ANGEL2: variants seen among roughly 807,000 people sequenced by gnomAD.
ANGEL2 encodes angel homolog 2.
Under a neutral mutation model 66.0 loss-of-function variants are expected in ANGEL2, and 41 were observed. That is an observed-to-expected ratio of 0.62 (90% CI 0.48 to 0.81). The LOEUF (loss-of-function observed/expected upper bound fraction) is 0.81. Among genes scored for constraint, ANGEL2 ranks in the 30% least tolerant of loss-of-function variants. The pLI is 0.00. For missense variants in ANGEL2, 561 were observed against 641.6 expected (o/e 0.87, Z 1.36); for synonymous variants, 208 against 226.5 (o/e 0.92, Z 0.73).
intron 3 of ANGEL2, among the ~76,000 whole-genome samples, chr1:213,007,940 T>C (rs2076384552): frequency 6.6e-6 from 1 of 151,930 alleles, no homozygotes; most frequent in African/African-American, 2.4e-5. Context: ...CTCAGCTCAC[T>C]GCAACATCGA....
chr1:213,004,619 C>T (rs2076267463), intron 5 of ANGEL2, among the ~76,000 whole-genome samples: 1 of 151,946 alleles, frequency 6.6e-6, no homozygotes, highest in South Asian at 2.1e-4. Flanking sequence ...CCTGTAATCC[C>T]AGCACTTTGG....
chr1:213,005,931 A>G (rs2076312983), intron 4 of ANGEL2, among the ~76,000 whole-genome samples: 1 of 152,032 alleles, frequency 6.6e-6, no homozygotes, highest in African/African-American at 2.4e-5. Context: ...TATTTGTTCA[A>G]ATGTCACCTC....
At chr1:212,997,091 T>G in intron 8 of ANGEL2, 64 bp downstream of exon 8, 1 of 1,447,830 alleles carries the variant, frequency 6.9e-7, no homozygotes, top group Non-Finnish European at 9.4e-7. Context: ...CTTTCTTAAC[T>G]TTAACCTTGA....
At chr1:212,999,423 A>G (rs1290028508) in intron 7 of ANGEL2, among the ~76,000 whole-genome samples, 1 of 152,240 alleles carries the variant, frequency 6.6e-6, no homozygotes. Flanking sequence ...AGTTTTTACT[A>G]TATTGAAAGG....
chr1:213,011,257 T>A (rs1333022261), intron 2 of ANGEL2: 3 of 1,288,848 alleles, frequency 2.3e-6, no homozygotes, highest in Non-Finnish European at 3.0e-6. Flanking sequence ...GACAGATGAA[T>A]CAAAGAAAGT....
intron 5 of ANGEL2, among the ~76,000 whole-genome samples, chr1:213,002,646 G>A (rs905506197): frequency 2.6e-5 from 4 of 152,118 alleles, no homozygotes; most frequent in Non-Finnish European, 4.4e-5. Context: ...GGCCAGGTGC[G>A]GTGGCTCATG....
chr1:213,005,465 CAAAT>C lies in ANGEL2; in HGVS notation c.713-15_713-12del, dbSNP rs753375074. The C allele has an allele frequency of 8.4e-6, 13 of 1,556,034 alleles. No individual in the cohort carries two copies. The highest frequency in any genetic ancestry group is 1.4e-5 in the African/African-American group (1 of 72,922). ...ATTCACAGTGATAACCTACAAGAAA[CAAAT>C]GAATTTAAAACAAATGACTGCTTTT... On this transcript the variant is annotated splice_polypyrimidine_tract_variant and intron_variant, in intron 4 of 8. Coordinates refer to ENST00000366962, the MANE Select transcript of ANGEL2 (RefSeq NM_144567.5).
chr1:213,008,335 T>C lies in ANGEL2; in HGVS notation c.517A>G (p.Asn173Asp). 6.2e-7 allele frequency: 1 copy of C among 1,614,184 alleles called. No individual in the cohort carries two copies. Among genetic ancestry groups the C allele is most frequent in the South Asian group, 1.1e-5 (1 of 91,084 alleles). Reference sequence around the variant, plus strand: ...TCCAGTAAATCTTGTGAAAGTATATTATAGGACATCACTGAAAAGTCAAAC... The same window carrying C: ...TCCAGTAAATCTTGTGAAAGTATATCATAGGACATCACTGAAAAGTCAAAC... Reference protein sequence around the residue: ...NKFDFSVMSYNILSQDLLEDN... With the variant: ...NKFDFSVMSYDILSQDLLEDN... Residue 173 changes from asparagine (N) to aspartate (D), a missense_variant, in exon 3 of 9, where the codon AAT becomes GAT. Asn to Asp is a conservative substitution (Grantham distance 23, BLOSUM62 1). Transcript: ENST00000366962.
rs969171888 is a variant in ANGEL2, at chr1:212,993,388, T to A, written c.*1653A>T. The A allele has an allele frequency of 6.6e-6, 1 of 152,190 alleles. No homozygotes were observed. The highest frequency in any genetic ancestry group is 1.5e-5 in the Non-Finnish European group (1 of 68,030). The allele number at this position is 152,190 out of a possible 1,614,324, so 9.4% of individuals were successfully genotyped here. Reference sequence around the variant, plus strand: ...TCAATTACAATTTTTACTAGACAAATCTTATAATCCACATGCCTTCTCTGA... The same window carrying A: ...TCAATTACAATTTTTACTAGACAAAACTTATAATCCACATGCCTTCTCTGA... On this transcript the variant is annotated 3_prime_UTR_variant, in exon 9 of 9. Coordinates refer to ENST00000366962, the MANE Select transcript of ANGEL2 (RefSeq NM_144567.5).
chr1:213,008,530 T>C, intron 2 of ANGEL2, 64 bp from the exon 3 acceptor site: 6 of 1,528,470 alleles, frequency 3.9e-6, no homozygotes, highest in Non-Finnish European at 5.3e-6. Context: ...GTTTCCCACA[T>C]ATATGTATTT....
At chr1:212,995,924 T>C (rs1461983272) in intron 8 of ANGEL2, among the ~76,000 whole-genome samples, 2 of 152,216 alleles carry the variant, frequency 1.3e-5, no homozygotes, top group African/African-American at 4.8e-5. Flanking sequence ...GCTGCTCACA[T>C]TCCAAAGTTT....
At chr1:213,001,476 T>C (rs2076176275) in intron 5 of ANGEL2, 1 of 152,636 alleles carries the variant, frequency 6.6e-6, no homozygotes, top group African/African-American at 2.4e-5. Flanking sequence ...TCATCATCTT[T>C]TTACAGGTGG....
At chr1:213,003,920 C>T (rs1159037342) in intron 5 of ANGEL2, among the ~76,000 whole-genome samples, 1 of 152,182 alleles carries the variant, frequency 6.6e-6, no homozygotes, top group Non-Finnish European at 1.5e-5. Context: ...AACTTATTGG[C>T]TGGGCATGGT....
At chr1:213,005,973 T>G (rs1456785462) in intron 4 of ANGEL2, among the ~76,000 whole-genome samples, 3 of 152,200 alleles carry the variant, frequency 2.0e-5, no homozygotes, top group Admixed American at 1.3e-4. Context: ...CTGAAACCTC[T>G]CCTATTCCAC....
At chr1:212,996,945 T>C (rs751511837) in intron 8 of ANGEL2, among the ~76,000 whole-genome samples, 2 of 152,116 alleles carry the variant, frequency 1.3e-5, no homozygotes, top group African/African-American at 4.8e-5. Context: ...TCTTGGGTAA[T>C]AATTTGCTTG....
intron 2 of ANGEL2, among the ~76,000 whole-genome samples, chr1:213,009,837 G>A (rs1350832552): frequency 6.6e-6 from 1 of 151,676 alleles, no homozygotes; most frequent in Non-Finnish European, 1.5e-5. Context: ...GATCACCTGA[G>A]GTCAGGAGTT....
chr1:212,997,792 C>A lies in ANGEL2; in HGVS notation c.1320-474G>T, dbSNP rs575428652. ...CTTCTCTAATGGTTTATTATATTTGCCCCATGCACAAATATATGTGATGTT... is the reference window on the plus strand; with the variant it reads ...CTTCTCTAATGGTTTATTATATTTGACCCATGCACAAATATATGTGATGTT... On this transcript the variant is annotated intron_variant, in intron 7 of 8. Coordinates refer to ENST00000366962, the MANE Select transcript of ANGEL2 (RefSeq NM_144567.5). 1.1e-4 allele frequency among the ~76,000 whole-genome samples: 16 copies of A among 152,112 alleles called. No homozygotes were observed. The South Asian group carries it at 3.3e-3, about 32-fold the overall frequency.
At position 212,992,372 on chromosome 1, in the gene ANGEL2, G is replaced by A. The variant is rs2075881261; in HGVS notation, c.*2669C>T. 1 of 152,108 alleles carries A rather than the reference G, an allele frequency of 6.6e-6. No homozygotes were observed. The highest frequency in any genetic ancestry group is 2.4e-5 in the African/African-American group (1 of 41,420). 9.4% of individuals were successfully genotyped at this position (152,108 alleles called of 1,614,324 possible). A position where few individuals can be genotyped will look rare whatever the true frequency, so the allele number is the denominator to read the frequency against. ...CATGAATATTATCTTGATAGCAAAA[G>A]GTACAGTAAAACCAAAATTTCATTA... On this transcript the variant is annotated 3_prime_UTR_variant, in exon 9 of 9. Coordinates refer to ENST00000366962, the MANE Select transcript of ANGEL2 (RefSeq NM_144567.5).
Position 213,015,621 on chromosome 1 carries a change from T to A in ANGEL2, c.51A>T (p.Gly17=), listed in dbSNP as rs200138164. 1 of 1,612,256 alleles carries A rather than the reference T, an allele frequency of 6.2e-7. No individual in the cohort carries two copies. Among genetic ancestry groups the A allele is most frequent in the East Asian group, 2.2e-5 (1 of 44,710 alleles). Reference sequence around the variant, plus strand: ...TACCCAGCCCTACTGACCGGCCTCTTCCCACCACACAGTGGCCGTAGCCCT... The same window carrying A: ...TACCCAGCCCTACTGACCGGCCTCTACCCACCACACAGTGGCCGTAGCCCT... ...VRKGYGHCVV[G]RGRYPMFPHH... is the part of the protein sequence containing the mutation. The change falls in exon 1 of 9, where the codon GGA becomes GGT. Residue 17 remains glycine (G), a synonymous_variant. Transcript: ENST00000366962.
Sources: allele counts gnomAD v4.1 joint callset (sites outside exome capture counted in the v4.1 genomes callset), GRCh38; gene constraint gnomAD v4.1.1; transcripts MANE v1.5; gene names NCBI Gene and HGNC (gene_info 2026-07-23, HGNC 2026-07-21).